The following PDS5A variants were observed in gnomAD, a reference collection of about 807,000 sequenced individuals.
PDS5A encodes the protein PDS5 cohesin associated factor A.
In PDS5A, 42 loss-of-function variants were observed where a neutral mutation model predicts 167.1. That is an observed-to-expected ratio of 0.25 (90% confidence interval 0.20 to 0.33). PDS5A has a LOEUF of 0.33. Ranked by LOEUF, PDS5A falls within the 10% of genes least tolerant of loss-of-function variation. PDS5A has a pLI of 1.00. For synonymous variants in PDS5A, 553 were observed against 554.6 expected, an observed-to-expected ratio of 1.00 and a Z score of 0.04; for missense variants, 1,033 against 1,605.9, an observed-to-expected ratio of 0.64 and a Z score of 6.10.
At chr4:39,955,951 C>T (rs556143542) in intron 2 of PDS5A, among the ~76,000 whole-genome samples, 1 of 152,022 alleles carries the variant, frequency 6.6e-6, no homozygotes, top group South Asian at 2.1e-4. Context: ...CCCATCTCTA[C>T]TAAAAATACA....
At chr4:39,868,960 G>A (rs2109562897) in intron 22 of PDS5A, among the ~76,000 whole-genome samples, 2 of 152,248 alleles carry the variant, frequency 1.3e-5, no homozygotes, top group South Asian at 4.1e-4. Context: ...CTTGTAGATA[G>A]TGGTGATGAG....
chr4:39,951,898 C>CAAAAAAAAGAA (rs1728435708), intron 2 of PDS5A, among the ~76,000 whole-genome samples: 1 of 68,802 alleles, frequency 1.5e-5, no homozygotes, highest in Non-Finnish European at 2.6e-5. Context: ...GAGTCTGTCT[C>CAAAAAAAAGAA]AAAAAAAAAA....
chr4:39,918,870 T>C (rs1662270249), intron 7 of PDS5A, among the ~76,000 whole-genome samples: 1 of 151,964 alleles, frequency 6.6e-6, no homozygotes, highest in Non-Finnish European at 1.5e-5. Flanking sequence ...TCCCACTGGA[T>C]AAGAGTAATA....
chr4:39,955,436 T>C (rs573913261), intron 2 of PDS5A, among the ~76,000 whole-genome samples: 26 of 151,912 alleles, frequency 1.7e-4, no homozygotes, highest in Admixed American at 1.5e-3. Flanking sequence ...ACCCCGTCTC[T>C]ACCAAAAATA....
rs1161911794 is a variant in PDS5A, at chr4:39,951,898, CA to C, written c.139-23735del. On this transcript the variant is annotated intron_variant, in intron 2 of 32. Coordinates refer to ENST00000303538, the MANE Select transcript of PDS5A (RefSeq NM_001100399.2). ...CTGGGTGACAGAGCAGAGTCTGTCT[CA>C]AAAAAAAAAAAAAAAAAAAAATCTG... Among the ~76,000 whole-genome samples the C allele has an allele frequency of 3.1e-3, 214 of 68,820 alleles. 2 individuals carry two copies. Among genetic ancestry groups the C allele is most frequent in the African/African-American group, 0.01 (166 of 15,870 alleles). 45.1% of individuals were successfully genotyped at this position (68,820 alleles called of 152,430 possible).
chr4:39,862,799 G>T, intron 25 of PDS5A, 70 bp downstream of exon 25: 2 of 840,048 alleles, frequency 2.4e-6, no homozygotes, highest in Non-Finnish European at 3.7e-6. Flanking sequence ...CACATGACAA[G>T]AAAAAAAAAA....
At chr4:39,927,741 T>C (rs955479664) in intron 3 of PDS5A, among the ~76,000 whole-genome samples, 1 of 152,214 alleles carries the variant, frequency 6.6e-6, no homozygotes, top group African/African-American at 2.4e-5. Context: ...GGGACTAGTT[T>C]TGAACTATAC....
chr4:39,912,148 T>G (rs1477674076), intron 9 of PDS5A, among the ~76,000 whole-genome samples: 1 of 152,156 alleles, frequency 6.6e-6, no homozygotes, highest in Admixed American at 6.5e-5. Flanking sequence ...TTATTAATGA[T>G]CAAGTAATTA....
intron 2 of PDS5A, among the ~76,000 whole-genome samples, chr4:39,972,558 G>C (rs919933548): frequency 6.6e-6 from 1 of 151,660 alleles, no homozygotes. Flanking sequence ...AAATAAAATT[G>C]AGACAGGGTC....
At chr4:39,861,769 C>T (rs1001823462) in intron 26 of PDS5A, among the ~76,000 whole-genome samples, 2 of 152,036 alleles carry the variant, frequency 1.3e-5, no homozygotes, top group Non-Finnish European at 2.9e-5. Context: ...TTACGTGTAC[C>T]TCATAAATGT....
intron 17 of PDS5A, among the ~76,000 whole-genome samples, chr4:39,886,429 T>A (rs997356706): frequency 7.2e-5 from 11 of 152,050 alleles, no homozygotes; most frequent in Non-Finnish European, 1.6e-4. Flanking sequence ...CAATATTGAT[T>A]TTGGCCGGGC....
At chr4:39,881,877 C>T (rs1720961566) in intron 17 of PDS5A, among the ~76,000 whole-genome samples, 1 of 152,212 alleles carries the variant, frequency 6.6e-6, no homozygotes, top group South Asian at 2.1e-4. Flanking sequence ...AGGTAGATAA[C>T]TGAACATGGG....
At chr4:39,835,050 A>C (rs1560412313) in intron 32 of PDS5A, among the ~76,000 whole-genome samples, 1 of 152,162 alleles carries the variant, frequency 6.6e-6, no homozygotes, top group Non-Finnish European at 1.5e-5. Flanking sequence ...TGCTCACTGC[A>C]AACTCTACCT....
At chr4:39,837,303 G>T (rs983956460) in intron 32 of PDS5A, 1 of 153,258 alleles carries the variant, frequency 6.5e-6, no homozygotes, top group African/African-American at 2.4e-5. Flanking sequence ...AGGCCAAGGT[G>T]AAAGGAGCCA....
intron 11 of PDS5A, among the ~76,000 whole-genome samples, chr4:39,905,385 C>A (rs181152353): frequency 6.6e-6 from 1 of 151,466 alleles, no homozygotes; most frequent in Admixed American, 6.6e-5. Context: ...TGGTGAAACC[C>A]GGTCTCTACT....
Position 39,874,326 on chromosome 4 carries a change from A to C in PDS5A, c.2240T>G (p.Phe747Cys). 1 of 1,613,218 alleles carries C rather than the reference A, an allele frequency of 6.2e-7. No individual in the cohort carries two copies. The highest frequency in any genetic ancestry group is 8.5e-7 in the Non-Finnish European group (1 of 1,179,234). The change falls in exon 20 of 33, where the codon TTC becomes TGC. Residue 747 changes from phenylalanine (F) to cysteine (C), a missense_variant. Phe to Cys is a radical substitution (Grantham distance 205). Around this residue, in one of 4 missense-constraint regions of PDS5A, gnomAD observed 367 missense variants for 686.7 expected, o/e 0.53. Transcript: ENST00000303538. ...TGCAAGCTGGACTTCTTTATTTGTGAATATGGCGTGTATACAGTGCACAGC... is the reference window on the plus strand; with the variant it reads ...TGCAAGCTGGACTTCTTTATTTGTGCATATGGCGTGTATACAGTGCACAGC... ...KQAVHCIHAI[F>C]TNKEVQLAQI... is the part of the protein sequence containing the mutation.
intron 16 of PDS5A, among the ~76,000 whole-genome samples, chr4:39,893,368 C>T (rs922749): frequency 0.24 from 36,771 of 152,038 alleles, 4,898 homozygotes; most frequent in East Asian, 0.44. Context: ...AATCTTTGCT[C>T]AAAGTATGTT....
intron 2 of PDS5A, among the ~76,000 whole-genome samples, chr4:39,944,415 G>A (rs759710658): frequency 4.6e-5 from 7 of 151,816 alleles, no homozygotes; most frequent in South Asian, 2.1e-4. Context: ...AGAGTGTGGC[G>A]GGGCACAGTG....
At chr4:39,827,695 C>T (rs542189037) in intron 32 of PDS5A, among the ~76,000 whole-genome samples, 10 of 152,226 alleles carry the variant, frequency 6.6e-5, no homozygotes, top group African/African-American at 2.4e-4. Flanking sequence ...AAAACAAATT[C>T]TAAGATCCTT....
Sources: gnomAD v4.1 joint callset for allele counts (sites outside exome capture counted in the v4.1 genomes callset) on GRCh38, gnomAD v4.1.1 for gene constraint, gnomAD v4.1.1 regional missense constraint, MANE v1.5 for transcripts, NCBI Gene and HGNC (gene_info 2026-07-23, HGNC 2026-07-21) for gene names.